GIPC2: variants seen among roughly 807,000 people sequenced by gnomAD.
GIPC2 encodes the protein GIPC PDZ domain containing family member 2.
GIPC2 carries 30 observed loss-of-function variants against 30.6 expected under a neutral mutation model. That is an observed-to-expected ratio of 0.98 (90% CI 0.73 to 1.33). The LOEUF is 1.33. Among genes scored for constraint, GIPC2 ranks in the 40% most tolerant of loss-of-function variants. GIPC2 has a pLI of 0.00. For synonymous variants in GIPC2, 167 were observed against 150.0 expected, an observed-to-expected ratio of 1.11 and a Z score of -0.83; for missense variants, 414 against 390.3, an observed-to-expected ratio of 1.06 and a Z score of -0.51.
At chr1:78,082,460 G>A (rs1049091675) in intron 2 of GIPC2, among the ~76,000 whole-genome samples, 1 of 152,136 alleles carries the variant, frequency 6.6e-6, no homozygotes, top group African/African-American at 2.4e-5. Flanking sequence ...TGTGCTGAAG[G>A]TTGAGTGAGT....
chr1:78,080,911 A>T (rs751552233), intron 2 of GIPC2, 51 bp downstream of exon 2: 2 of 1,091,810 alleles, frequency 1.8e-6, no homozygotes, highest in Non-Finnish European at 2.6e-6. Context: ...ACATTTAAGA[A>T]AATCTACCAG....
intron 1 of GIPC2, among the ~76,000 whole-genome samples, chr1:78,075,054 C>G (rs911357982): frequency 2.6e-5 from 4 of 152,176 alleles, no homozygotes; most frequent in Non-Finnish European, 5.9e-5. Context: ...ACTCACGTAA[C>G]TAAACATTCT....
At chr1:78,088,803 C>T (rs1027845561) in intron 2 of GIPC2, among the ~76,000 whole-genome samples, 1 of 151,234 alleles carries the variant, frequency 6.6e-6, no homozygotes, top group Non-Finnish European at 1.5e-5. Context: ...CATGATCATG[C>T]CACCACTCTC....
chr1:78,077,657 TA>T (rs1557534172), intron 1 of GIPC2, among the ~76,000 whole-genome samples: 1 of 152,064 alleles, frequency 6.6e-6, no homozygotes, highest in African/African-American at 2.4e-5. Context: ...TGTTATATTT[TA>T]AAAAAAAGTT....
intron 1 of GIPC2, among the ~76,000 whole-genome samples, chr1:78,059,922 A>T (rs1019186596): frequency 6.6e-6 from 1 of 152,214 alleles, no homozygotes; most frequent in African/African-American, 2.4e-5. Flanking sequence ...AGTATTTTTG[A>T]ACTTAATGAG....
intron 5 of GIPC2, among the ~76,000 whole-genome samples, chr1:78,126,907 G>T (rs1662793931): frequency 6.6e-6 from 1 of 152,202 alleles, no homozygotes; most frequent in South Asian, 2.1e-4. Flanking sequence ...GGTAGGTCTG[G>T]GTTGAACGCT....
intron 2 of GIPC2, among the ~76,000 whole-genome samples, chr1:78,082,691 A>T (rs1209111098): frequency 6.6e-6 from 1 of 152,190 alleles, no homozygotes; most frequent in East Asian, 1.9e-4. Flanking sequence ...AGCCCTGTGG[A>T]GATATAGGGC....
chr1:78,099,481 C>T (rs1280811424), intron 3 of GIPC2, among the ~76,000 whole-genome samples: 5 of 150,284 alleles, frequency 3.3e-5, no homozygotes, highest in Non-Finnish European at 4.4e-5. Flanking sequence ...CTCTGTTGCC[C>T]GGGATGGAGT....
intron 1 of GIPC2, among the ~76,000 whole-genome samples, chr1:78,077,693 G>A (rs1217416117): frequency 6.6e-6 from 1 of 152,170 alleles, no homozygotes; most frequent in Non-Finnish European, 1.5e-5. Flanking sequence ...ACTGCCTGTT[G>A]TGTAGCGTAC....
chr1:78,107,134 C>T (rs1373495486), intron 3 of GIPC2, among the ~76,000 whole-genome samples: 1 of 150,082 alleles, frequency 6.7e-6, no homozygotes, highest in Non-Finnish European at 1.5e-5. Flanking sequence ...TTTTCTTTCC[C>T]TCCTTCCCTC....
chr1:78,131,233 G>C (rs1317961708), intron 5 of GIPC2, among the ~76,000 whole-genome samples: 2 of 151,574 alleles, frequency 1.3e-5, no homozygotes, highest in Non-Finnish European at 2.9e-5. Flanking sequence ...TTGAGACAGA[G>C]TCTTGCTCTG....
At chr1:78,068,171 C>T (rs1182050849) in intron 1 of GIPC2, among the ~76,000 whole-genome samples, 1 of 147,422 alleles carries the variant, frequency 6.8e-6, no homozygotes, top group African/African-American at 2.5e-5. Context: ...TTCTTCATGT[C>T]GTATTTCTAG....
rs1661450242 is a variant in GIPC2 at position 78,063,802 on chromosome 1, G to T, written c.241-16873G>T. 2.0e-5 allele frequency among the ~76,000 whole-genome samples: 3 copies of T among 150,246 alleles called. No individual in the cohort carries two copies. In the Admixed American group the frequency reaches 2.0e-4, roughly 10 times the overall value. ...AGCTACTCAGGAGGCTGAGACAGGAGAATCGCTTGAACCTGGGAGGTGGAG... is the reference window on the plus strand; with the variant it reads ...AGCTACTCAGGAGGCTGAGACAGGATAATCGCTTGAACCTGGGAGGTGGAG... On this transcript the variant is annotated intron_variant, in intron 1 of 5. Coordinates refer to ENST00000370759, the MANE Select transcript of GIPC2 (RefSeq NM_017655.6).
At chr1:78,095,423 A>G (rs1662120619) in intron 3 of GIPC2, among the ~76,000 whole-genome samples, 1 of 152,220 alleles carries the variant, frequency 6.6e-6, no homozygotes, top group Admixed American at 6.5e-5. Context: ...CTCTGAGAAC[A>G]GCACATTGTA....
intron 1 of GIPC2, among the ~76,000 whole-genome samples, chr1:78,070,016 G>T (rs1369685398): frequency 6.6e-6 from 1 of 152,066 alleles, no homozygotes; most frequent in Non-Finnish European, 1.5e-5. Flanking sequence ...CATTTGGGTG[G>T]TTTTTAAATA....
chr1:78,050,000 G>T (rs563607485), intron 1 of GIPC2, among the ~76,000 whole-genome samples: 1 of 149,292 alleles, frequency 6.7e-6, no homozygotes, highest in Non-Finnish European at 1.5e-5. Flanking sequence ...GTGTTCAAGT[G>T]ATCCTCCTGC....
chr1:78,100,232 G>C (rs1347364230), intron 3 of GIPC2, among the ~76,000 whole-genome samples: 1 of 152,200 alleles, frequency 6.6e-6, no homozygotes, highest in Non-Finnish European at 1.5e-5. Flanking sequence ...GTGTGCTGGA[G>C]CCATTTGTAC....
At chr1:78,116,622 T>TA (rs1662572047) in intron 3 of GIPC2, among the ~76,000 whole-genome samples, 3 of 152,268 alleles carry the variant, frequency 2.0e-5, no homozygotes, top group South Asian at 2.1e-4. Flanking sequence ...TTTCTGTCCT[T>TA]ACGCTAGTTT....
At chr1:78,121,238 C>T (rs1173784570) in intron 4 of GIPC2, among the ~76,000 whole-genome samples, 2 of 152,214 alleles carry the variant, frequency 1.3e-5, no homozygotes. Context: ...AGCAGGCCCA[C>T]AACAGCAGCA....
Sources: gnomAD v4.1 joint callset for allele counts (sites outside exome capture counted in the v4.1 genomes callset) on GRCh38, gnomAD v4.1.1 for gene constraint, MANE v1.5 for transcripts, NCBI Gene and HGNC (gene_info 2026-07-23, HGNC 2026-07-21) for gene names.